PSMA7: variants seen among roughly 807,000 people sequenced by gnomAD.
PSMA7 encodes proteasome 20S subunit alpha 7.
In PSMA7, 5 loss-of-function variants were observed where a neutral mutation model predicts 31.3. The ratio of observed to expected loss-of-function variants is 0.16; its 90% CI spans 0.08 to 0.34. The LOEUF (loss-of-function observed/expected upper bound fraction) is 0.34. PSMA7 is among the 10% of genes least tolerant of loss of function. The probability of loss-of-function intolerance (pLI) is 1.00; values close to 1 mark genes in which losing one functional copy is unlikely to be tolerated. For synonymous variants in PSMA7, 155 were observed against 121.9 expected (o/e 1.27, Z -1.79); for missense variants, 217 against 327.5 (o/e 0.66, Z 2.60).
chr20:62,139,285 T>C, intron 3 of PSMA7, 88 bp from the exon 4 acceptor site: 2 of 1,499,842 alleles, frequency 1.3e-6, no homozygotes, highest in South Asian at 2.5e-5. Context: ...ACGAACATTT[T>C]AAACCATGCC....
At chr20:62,137,171 A>G (rs569739282) in intron 6 of PSMA7, among the ~76,000 whole-genome samples, 193 bp downstream of exon 6, 1 of 152,308 alleles carries the variant, frequency 6.6e-6, no homozygotes, top group Admixed American at 6.5e-5. Flanking sequence ...ATGCCCAGAG[A>G]ACACGCGTGG....
At chr20:62,140,968 C>G in intron 1 of PSMA7, 24 bp from the exon 2 acceptor site, 1 of 1,613,354 alleles carries the variant, frequency 6.2e-7, no homozygotes, top group East Asian at 2.2e-5. Context: ...CCACAAACCA[C>G]GTAAGAAAGT....
At chr20:62,139,250 G>T in intron 3 of PSMA7, 53 bp from the exon 4 acceptor site, 1 of 1,591,602 alleles carries the variant, frequency 6.3e-7, no homozygotes, top group Non-Finnish European at 8.6e-7. Context: ...CTGCATGTGA[G>T]GAAAGAACCG....
intron 5 of PSMA7, 82 bp from the exon 6 acceptor site, chr20:62,137,508 T>G: frequency 7.5e-7 from 1 of 1,333,632 alleles, no homozygotes. Context: ...CTTAAATAGG[T>G]GTGTACCCAA....
At chr20:62,142,538 G>A (rs1221018505) in intron 1 of PSMA7, 1 of 152,244 alleles carries the variant, frequency 6.6e-6, no homozygotes, top group Non-Finnish European at 1.5e-5. Flanking sequence ...TAAGGTCAAT[G>A]TACACGAGCC....
chr20:62,140,000 C>T, intron 2 of PSMA7, 95 bp from the exon 3 acceptor site: 1 of 1,451,358 alleles, frequency 6.9e-7, no homozygotes, highest in Non-Finnish European at 9.2e-7. Flanking sequence ...TTCCACAGAC[C>T]CCCCAAACCG....
rs1229393242 is a variant in PSMA7, at chr20:62,143,324, C to T, written c.-21G>A. On this transcript the variant is annotated 5_prime_UTR_variant, in exon 1 of 7. Transcript: ENST00000370873. ...CTCATGCCGGCGGGCGGCGGCCGGG[C>T]TCCTTCCGCCGCGACTCTCAAAAGC... 2 of 1,365,350 alleles carry T rather than the reference C, an allele frequency of 1.5e-6. No individual in the cohort carries two copies. The highest frequency in any genetic ancestry group is 2.5e-5 in the Admixed American group (1 of 39,992). The allele number at this position is 1,365,350 out of a possible 1,614,324, so 84.6% of individuals were successfully genotyped here.
At position 62,137,723 on chromosome 20, in the gene PSMA7, C is replaced by T. The variant is rs75859157; in HGVS notation, c.592-297G>A. Among the ~76,000 whole-genome samples, 586 of 152,330 alleles carry T rather than the reference C, an allele frequency of 3.8e-3. 10 individuals carry two copies. The highest frequency in any genetic ancestry group is 0.024 in the Admixed American group (366 of 15,308). On this transcript the variant is annotated intron_variant, in intron 5 of 6. Transcript: ENST00000370873. ...ACAACCAGGAATCCTGATGCCTACG[C>T]TCCCGCCTGGCCTTCCAGCTAGTCC...
intron 6 of PSMA7, 74 bp from the exon 7 acceptor site, chr20:62,137,023 C>T (rs1325903907): frequency 7.0e-6 from 11 of 1,564,386 alleles, no homozygotes; most frequent in African/African-American, 6.9e-5. Context: ...CTGGGGAGGG[C>T]GGCCAGGCTT....
rs998936920 is a variant in PSMA7 at position 62,141,001 on chromosome 20, G to C, written c.97-57C>G. ...AGTGATATGAGTGCTGGGTGCAGTG[G>C]CTCATGCCTGTTAATTCCAGCACTT... On this transcript the variant is annotated intron_variant, in intron 1 of 6. Transcript: ENST00000370873. 6 of 1,598,450 alleles carry C rather than the reference G, an allele frequency of 3.8e-6. No homozygotes were observed. In the Admixed American group the frequency reaches 6.7e-5, roughly 18 times the overall value.
At chr20:62,139,945 AC>A (rs1483275086) in intron 2 of PSMA7, 40 bp from the exon 3 acceptor site, 1 of 1,603,944 alleles carries the variant, frequency 6.2e-7, no homozygotes, top group South Asian at 1.1e-5. Flanking sequence ...GAGAGACAGC[AC>A]AAACTACAGG....
intron 1 of PSMA7, among the ~76,000 whole-genome samples, chr20:62,141,961 G>T (rs965546077): frequency 6.6e-6 from 1 of 152,228 alleles, no homozygotes; most frequent in African/African-American, 2.4e-5. Flanking sequence ...TGAGCACCTG[G>T]GCAGGGGGAT....
At chr20:62,139,257 A>T (rs2056913017) in intron 3 of PSMA7, 60 bp from the exon 4 acceptor site, 2 of 1,580,810 alleles carry the variant, frequency 1.3e-6, no homozygotes, top group Non-Finnish European at 1.7e-6. Flanking sequence ...TGAGGAAAGA[A>T]CCGTACTTAG....
chr20:62,139,030 C>G, intron 4 of PSMA7, 45 bp downstream of exon 4: 4 of 1,602,514 alleles, frequency 2.5e-6, no homozygotes, highest in Non-Finnish European at 3.4e-6. Flanking sequence ...CCCTCAAAGC[C>G]TTTTTCTGGC....
At chr20:62,140,322 T>C (rs2056919871) in intron 2 of PSMA7, among the ~76,000 whole-genome samples, 1 of 152,190 alleles carries the variant, frequency 6.6e-6, no homozygotes, top group South Asian at 2.1e-4. Flanking sequence ...TCTTAGAAAT[T>C]GAGTTAATCC....
Position 62,138,283 on chromosome 20 carries a change from G to C in PSMA7, c.479C>G (p.Ala160Gly). 6.2e-7 allele frequency: 1 copy of C among 1,608,296 alleles called. No homozygotes were observed. Among genetic ancestry groups the C allele is most frequent in the Non-Finnish European group, 8.5e-7 (1 of 1,176,580 alleles). The change falls in exon 5 of 7, where the codon GCC becomes GGC. Residue 160 changes from alanine to glycine, a missense_variant. By Grantham distance (60) the Ala-to-Gly change is moderately conservative (BLOSUM62 0). Transcript: ENST00000370873. Reference protein sequence around the residue: ...SGTYHAWKANAIGRGAKSVRE... With the variant: ...SGTYHAWKANGIGRGAKSVRE... ...CACTGACTTGGCACCCCGACCTATG[G>C]CATTGGCCTAAAACAGACACGTATG... is the stretch of plus-strand genomic sequence containing the variant.
intron 1 of PSMA7, among the ~76,000 whole-genome samples, chr20:62,142,836 C>A (rs1310754366): frequency 1.3e-5 from 2 of 151,816 alleles, no homozygotes; most frequent in African/African-American, 2.4e-5. Flanking sequence ...CGCTCCGCGG[C>A]CCAGAGCGGC....
chr20:62,140,722 T>C lies in PSMA7; in HGVS notation c.223+96A>G, dbSNP rs904114297. ...ATGATTTTCATTTACTCAGTTTATA[T>C]GGCTCACAATAGCCCACACACCCAA... is the stretch of plus-strand genomic sequence containing the variant. On this transcript the variant is annotated intron_variant, in intron 2 of 6. Transcript: ENST00000370873. The C allele has an allele frequency of 2.8e-6, 4 of 1,426,118 alleles. No individual in the cohort carries two copies. The African/African-American group carries it at 4.3e-5, about 15-fold the overall frequency. The allele number at this position is 1,426,118 out of a possible 1,614,324, so 88.3% of individuals were successfully genotyped here. A position where few individuals can be genotyped will look rare whatever the true frequency, so the allele number is the denominator to read the frequency against.
intron 1 of PSMA7, among the ~76,000 whole-genome samples, chr20:62,141,700 A>G (rs545614005): frequency 5.3e-5 from 8 of 152,340 alleles, no homozygotes; most frequent in Admixed American, 1.3e-4. Flanking sequence ...TTGAGCCACA[A>G]TGCACTGTTT....
Sources: allele counts gnomAD v4.1 joint callset (sites outside exome capture counted in the v4.1 genomes callset), GRCh38; gene constraint gnomAD v4.1.1; transcripts MANE v1.5; gene names NCBI Gene and HGNC (gene_info 2026-07-23, HGNC 2026-07-21).